CEP192: variants seen among roughly 807,000 people sequenced by gnomAD.
CEP192 encodes centrosomal protein of 192 kDa.
CEP192 carries 151 observed loss-of-function variants against 271.8 expected under a neutral mutation model. The ratio of observed to expected loss-of-function variants is 0.56; its 90% CI spans 0.49 to 0.64. The LOEUF (loss-of-function observed/expected upper bound fraction) is 0.64. Among genes scored for constraint, CEP192 ranks in the 30% least tolerant of loss-of-function variants. The pLI is 0.00. For synonymous variants in CEP192, 995 were observed against 1,076.5 expected (o/e 0.92, Z 1.48); for missense variants, 2,910 against 3,020.5 (o/e 0.96, Z 0.86).
At chr18:13,118,105 T>C (rs1217853404) in intron 44 of CEP192, among the ~76,000 whole-genome samples, 1 of 152,238 alleles carries the variant, frequency 6.6e-6, no homozygotes, top group African/African-American at 2.4e-5. Context: ...CTTACTGTTC[T>C]TAATCAGGGC....
At chr18:13,033,493 A>G (rs1011702413) in intron 11 of CEP192, among the ~76,000 whole-genome samples, 13 of 152,236 alleles carry the variant, frequency 8.5e-5, no homozygotes, top group African/African-American at 3.1e-4. Context: ...GCGTCTACCT[A>G]TAATGACATT....
intron 19 of CEP192, 22 bp from the exon 20 acceptor site, chr18:13,057,563 A>T: frequency 6.2e-7 from 1 of 1,605,468 alleles, no homozygotes; most frequent in Non-Finnish European, 8.5e-7. Flanking sequence ...TGCATTTTTG[A>T]CTGTGCCTTA....
At chr18:12,999,828 A>ATT (rs36207281) in intron 2 of CEP192, among the ~76,000 whole-genome samples, 1,276 of 124,004 alleles carry the variant, frequency 0.01, 35 homozygotes, top group African/African-American at 0.033. Context: ...ATTTCGGTCT[A>ATT]TTTTTTTTTT....
chr18:13,025,563 T>C lies in CEP192; in HGVS notation c.1051-4100T>C, dbSNP rs1000036454. Among the ~76,000 whole-genome samples the C allele has an allele frequency of 4.6e-5, 7 of 152,234 alleles. No homozygotes were observed. In the South Asian group the frequency reaches 8.3e-4, roughly 18 times the overall value. ...ATTTTATATGATTCCATTTTCTCTT[T>C]GTTAGCATATCAGATATAATTCTTT... On this transcript the variant is annotated intron_variant, in intron 9 of 44. Coordinates refer to ENST00000506447, the MANE Select transcript of CEP192 (RefSeq NM_032142.4).
intron 40 of CEP192, among the ~76,000 whole-genome samples, chr18:13,106,799 C>A (rs1445428489): frequency 6.6e-6 from 1 of 152,172 alleles, no homozygotes; most frequent in Non-Finnish European, 1.5e-5. Flanking sequence ...TCCCACACAA[C>A]CCTCAACTAC....
At chr18:13,056,814 T>G in intron 19 of CEP192, 116 bp downstream of exon 19, 1 of 912,678 alleles carries the variant, frequency 1.1e-6, no homozygotes, top group Non-Finnish European at 1.7e-6. Context: ...AGTTTTGTGC[T>G]TCTTCCTAAA....
At position 13,056,157 on chromosome 18, in the gene CEP192, C is replaced by A; in HGVS notation, c.3567C>A (p.Cys1189Ter). 6.2e-7 allele frequency: 1 copy of A among 1,613,576 alleles called. No individual in the cohort carries two copies. Among genetic ancestry groups the A allele is most frequent in the South Asian group, 1.1e-5 (1 of 90,968 alleles). The change falls in exon 19 of 45, where the codon TGC becomes TGA. Residue 1189 changes from cysteine (C) to a stop codon, truncating the protein, a stop_gained. Coordinates refer to ENST00000506447, the MANE Select transcript of CEP192 (RefSeq NM_032142.4). LOFTEE classifies it high-confidence loss of function. ...CAGCCACATCACACCCTGTGTCCTGCCAGGAGCCTATAGATGAAGATCAAA... is the reference window on the plus strand; with the variant it reads ...CAGCCACATCACACCCTGTGTCCTGACAGGAGCCTATAGATGAAGATCAAA... ...VGSATSHPVS[C>*]QEPIDEDQRI...
rs768091723 is a variant in CEP192 at position 13,038,392 on chromosome 18, A to G, written c.1622A>G (p.Asn541Ser). 69 of 1,551,480 alleles carry G rather than the reference A, an allele frequency of 4.4e-5. No individual in the cohort carries two copies. The highest frequency in any genetic ancestry group is 5.8e-5 in the Non-Finnish European group (66 of 1,146,892). ...FIQEENIDAH[N>S]TSVALGDTSW... ...TAGGAAGAAAACATAGATGCTCATA[A>G]TACTTCGGTTGCACTGGGCGATACG... The change falls in exon 13 of 45, where the codon AAT (asparagine) becomes AGT (serine). Residue 541 changes from asparagine to serine, a missense_variant. Asn to Ser is a conservative substitution (Grantham distance 46). Transcript: ENST00000506447.
intron 3 of CEP192, 123 bp downstream of exon 3, chr18:13,001,705 T>C (rs7240309): frequency 0.089 from 94,115 of 1,058,556 alleles, 5,859 homozygotes; most frequent in African/African-American, 0.26. Flanking sequence ...CTTGAAGAGT[T>C]TTCTTTTATT....
chr18:12,993,830 A>G (rs2033036306), intron 1 of CEP192, among the ~76,000 whole-genome samples: 1 of 152,222 alleles, frequency 6.6e-6, no homozygotes, highest in Non-Finnish European at 1.5e-5. Flanking sequence ...ATGTATGTGA[A>G]ATAATTAGCA....
intron 35 of CEP192, 99 bp from the exon 36 acceptor site, chr18:13,096,085 C>T: frequency 8.2e-7 from 1 of 1,226,804 alleles, no homozygotes; most frequent in Non-Finnish European, 1.2e-6. Flanking sequence ...CAGTAGCATA[C>T]TTGTATATCT....
chr18:13,075,065 T>C (rs1411873713), intron 30 of CEP192, among the ~76,000 whole-genome samples: 1 of 152,226 alleles, frequency 6.6e-6, no homozygotes, highest in Admixed American at 6.5e-5. Flanking sequence ...TATTGGAAAC[T>C]TACTCTGCAG....
chr18:13,100,006 G>A (rs115911705), intron 37 of CEP192, among the ~76,000 whole-genome samples: 79 of 152,304 alleles, frequency 5.2e-4, no homozygotes, highest in African/African-American at 1.9e-3. Flanking sequence ...CAACTAGTTA[G>A]AGCATTGGTA....
rs564093040 is a variant in CEP192 at position 13,089,576 on chromosome 18, C to T, written c.6103+11C>T. 142 of 1,298,402 alleles carry T rather than the reference C, an allele frequency of 1.1e-4. 1 individual carries two copies. In the South Asian group the frequency reaches 1.5e-3, roughly 14 times the overall value. 80.4% of individuals were successfully genotyped at this position (1,298,402 alleles called of 1,614,324 possible). A position where few individuals can be genotyped will look rare whatever the true frequency, so the allele number is the denominator to read the frequency against. ...TATTAGTAACTGAAGGTAAGAATTC[C>T]GGCGTGTCTTGATGTATTAAATCTT... On this transcript the variant is annotated intron_variant, in intron 33 of 44. Coordinates refer to ENST00000506447, the MANE Select transcript of CEP192 (RefSeq NM_032142.4).
chr18:13,049,657 C>T lies in CEP192; in HGVS notation c.2866C>T (p.Arg956Cys), dbSNP rs770649147. 45 of 1,610,446 alleles carry T rather than the reference C, an allele frequency of 2.8e-5. No homozygotes were observed. In the Admixed American group the frequency reaches 3.7e-4, roughly 13 times the overall value. The part of the protein sequence containing the change: ...SEKHVTFENH[R>C]IVSPKNSDLK... ...GAAGCATGTGACTTTTGAAAACCAT[C>T]GCATAGTCTCACCTAAAAATAGTGG... Residue 956 changes from arginine (R) to cysteine (C), a missense_variant, in exon 16 of 45, where the codon CGC (arginine) becomes TGC (cysteine). Arg to Cys is a radical substitution (Grantham distance 180, BLOSUM62 -3). Coordinates refer to ENST00000506447, the MANE Select transcript of CEP192 (RefSeq NM_032142.4).
At chr18:13,045,956 A>G (rs958912224) in intron 15 of CEP192, among the ~76,000 whole-genome samples, 2 of 152,162 alleles carry the variant, frequency 1.3e-5, no homozygotes, top group South Asian at 4.1e-4. Flanking sequence ...TTATAGGGAC[A>G]TACTGTTGGA....
intron 11 of CEP192, among the ~76,000 whole-genome samples, chr18:13,031,371 C>T (rs2035617439): frequency 6.6e-6 from 1 of 151,514 alleles, no homozygotes; most frequent in South Asian, 2.1e-4. Context: ...CCTCAGCCTC[C>T]CAAGTAGCTG....
At chr18:13,110,679 A>G (rs1364974174) in intron 40 of CEP192, among the ~76,000 whole-genome samples, 1 of 152,180 alleles carries the variant, frequency 6.6e-6, no homozygotes, top group Non-Finnish European at 1.5e-5. Context: ...CAGGCTGGGG[A>G]AGAAAGAAGC....
At chr18:13,036,618 A>T (rs930139973) in intron 11 of CEP192, among the ~76,000 whole-genome samples, 17 of 151,970 alleles carry the variant, frequency 1.1e-4, no homozygotes, top group Admixed American at 6.5e-5. Context: ...CACCACTCCC[A>T]GTTGTGTTTC....
Sources: gnomAD v4.1 joint callset for allele counts (sites outside exome capture counted in the v4.1 genomes callset) on GRCh38, gnomAD v4.1.1 for gene constraint, MANE v1.5 for transcripts, NCBI Gene and HGNC (gene_info 2026-07-23, HGNC 2026-07-21) for gene names.